Variants in NLGN1 observed in about 807,000 individuals in gnomAD.
NLGN1 encodes the protein neuroligin 1, also known as neuroligin-1.
A neutral mutation model predicts 65.5 loss-of-function variants in NLGN1; 12 were observed. The observed-to-expected ratio is 0.18, with a 90% confidence interval of 0.12 to 0.30. The LOEUF is 0.30. Ranked by LOEUF, NLGN1 falls within the 10% of genes least tolerant of loss-of-function variation. The pLI is 1.00. For missense variants in NLGN1, 750 were observed against 1,007.1 expected, an observed-to-expected ratio of 0.74 and a Z score of 3.46; for synonymous variants, 350 against 359.5, an observed-to-expected ratio of 0.97 and a Z score of 0.30.
chr3:173,748,387 G>GCT (rs985542604), intron 3 of NLGN1, among the ~76,000 whole-genome samples: 1 of 152,090 alleles, frequency 6.6e-6, no homozygotes, highest in Non-Finnish European at 1.5e-5. Flanking sequence ...GGTATGTGCA[G>GCT]AACAACTAGA....
At chr3:173,744,160 A>G (rs1475185821) in intron 3 of NLGN1, among the ~76,000 whole-genome samples, 2 of 152,234 alleles carry the variant, frequency 1.3e-5, no homozygotes, top group African/African-American at 4.8e-5. Flanking sequence ...ACCTAAAACC[A>G]TTAATTTTAT....
intron 2 of NLGN1, among the ~76,000 whole-genome samples, chr3:173,469,639 T>TAAA (rs543661410): frequency 1.4e-5 from 2 of 141,894 alleles, no homozygotes; most frequent in Non-Finnish European, 3.1e-5. Context: ...TTTTAAAAAC[T>TAAA]AAAAAAAAAA....
intron 3 of NLGN1, among the ~76,000 whole-genome samples, chr3:173,806,670 T>C (rs1716731264): frequency 6.6e-6 from 1 of 152,166 alleles, no homozygotes; most frequent in African/African-American, 2.4e-5. Flanking sequence ...TTTGCTGATA[T>C]ACACAGTTAG....
chr3:174,124,698 T>C (rs1026629266), intron 4 of NLGN1, among the ~76,000 whole-genome samples: 6 of 148,900 alleles, frequency 4.0e-5, no homozygotes, highest in African/African-American at 1.5e-4. Context: ...TATACACTTA[T>C]AGTATATACT....
At chr3:173,568,507 T>C (rs1339590039) in intron 2 of NLGN1, among the ~76,000 whole-genome samples, 2 of 152,174 alleles carry the variant, frequency 1.3e-5, no homozygotes, top group Admixed American at 1.3e-4. Context: ...ATTGTTGGGA[T>C]TACAGGCACA....
At chr3:174,245,345 T>G (rs1162263662) in intron 4 of NLGN1, among the ~76,000 whole-genome samples, 1 of 152,208 alleles carries the variant, frequency 6.6e-6, no homozygotes, top group African/African-American at 2.4e-5. Context: ...GATTTAGGCT[T>G]TCTTTCTAGA....
At position 173,642,373 on chromosome 3, in the gene NLGN1, G is replaced by A. The variant is rs146401633; in HGVS notation, c.493+37282G>A. Among the ~76,000 whole-genome samples the A allele has an allele frequency of 5.5e-3, 833 of 152,212 alleles. 5 individuals are homozygous for A. Among genetic ancestry groups the A allele is most frequent in the Non-Finnish European group, 8.4e-3 (571 of 68,004 alleles). ...AGGACTGGGGAGATGCAGTCCAGCC[G>A]ACCAAAGTGGCTGTGGGTGGCAACG... On this transcript the variant is annotated intron_variant, in intron 3 of 6. Transcript: ENST00000457714.
At chr3:173,456,180 G>A (rs481615) in intron 2 of NLGN1, among the ~76,000 whole-genome samples, 118,156 of 152,128 alleles carry the variant, frequency 0.78, 47,403 homozygotes, top group East Asian at 0.97. Flanking sequence ...TGATGGTGAC[G>A]TATAAAATTA....
chr3:174,189,991 A>C (rs906250137), intron 4 of NLGN1, among the ~76,000 whole-genome samples: 1 of 152,072 alleles, frequency 6.6e-6, no homozygotes, highest in Non-Finnish European at 1.5e-5. Flanking sequence ...AGGGAAGCCA[A>C]TTTACAGCTA....
intron 4 of NLGN1, among the ~76,000 whole-genome samples, chr3:174,010,323 T>A (rs987918617): frequency 6.6e-6 from 1 of 152,140 alleles, no homozygotes; most frequent in African/African-American, 2.4e-5. Flanking sequence ...TGCATGTAAA[T>A]TATTTTCACT....
intron 3 of NLGN1, among the ~76,000 whole-genome samples, chr3:173,652,460 G>A (rs1759348607): frequency 6.6e-6 from 1 of 151,988 alleles, no homozygotes; most frequent in Admixed American, 6.6e-5. Context: ...GTGAGAGAGG[G>A]GTCCAGTTTC....
At chr3:173,673,422 A>G (rs1332033636) in intron 3 of NLGN1, among the ~76,000 whole-genome samples, 2 of 152,218 alleles carry the variant, frequency 1.3e-5, no homozygotes, top group Non-Finnish European at 2.9e-5. Flanking sequence ...ACATTAGAGT[A>G]TACATTAAAA....
chr3:173,406,695 A>G (rs557416530), intron 1 of NLGN1, among the ~76,000 whole-genome samples: 33 of 151,932 alleles, frequency 2.2e-4, no homozygotes, highest in African/African-American at 8.0e-4. Context: ...TCCACAGACA[A>G]CAGCGTTTCT....
chr3:173,677,791 C>T (rs1763377186), intron 3 of NLGN1, among the ~76,000 whole-genome samples: 1 of 152,062 alleles, frequency 6.6e-6, no homozygotes. Context: ...ACAATCCTTC[C>T]TGAATTCTGT....
chr3:174,214,038 C>T (rs566332609), intron 4 of NLGN1, among the ~76,000 whole-genome samples: 26 of 152,126 alleles, frequency 1.7e-4, no homozygotes, highest in Non-Finnish European at 2.9e-4. Context: ...GACAATGTTA[C>T]TCAAAGAATT....
At chr3:173,799,778 G>A (rs1372650915) in intron 3 of NLGN1, among the ~76,000 whole-genome samples, 1 of 151,718 alleles carries the variant, frequency 6.6e-6, no homozygotes, top group Non-Finnish European at 1.5e-5. Flanking sequence ...TTAAAAATAT[G>A]TGAAAACCAA....
At chr3:174,092,356 G>C (rs1181001488) in intron 4 of NLGN1, among the ~76,000 whole-genome samples, 6 of 152,146 alleles carry the variant, frequency 3.9e-5, no homozygotes, top group Admixed American at 3.9e-4. Flanking sequence ...TGTAGGTATA[G>C]GCATAAGATT....
chr3:173,666,087 T>C (rs1025848724), intron 3 of NLGN1, among the ~76,000 whole-genome samples: 4 of 152,178 alleles, frequency 2.6e-5, no homozygotes, highest in Non-Finnish European at 2.9e-5. Flanking sequence ...TGTGATATAC[T>C]TGGAGAAAGC....
chr3:174,279,502 G>T lies in NLGN1; in HGVS notation c.1501G>T (p.Ala501Ser), dbSNP rs544390200. ...CCAAACAGATCAGGTTCCAGCTTGG[G>T]CTGATGCAGCCCACGGAGACGAGGT... Residue 501 changes from alanine (A) to serine (S), a missense_variant, in exon 6 of 7, where the codon GCT becomes TCT. Physicochemically the swap from Ala to Ser is moderately conservative, Grantham distance 99. Coordinates refer to ENST00000457714, the Ensembl canonical transcript of NLGN1. This position sits in a 1 kb window ranked among gnomAD's most constrained non-coding sequence, Gnocchi z 4.7. 6.2e-7 allele frequency: 1 copy of T among 1,613,106 alleles called. No individual in the cohort carries two copies. The highest frequency in any genetic ancestry group is 1.1e-5 in the South Asian group (1 of 91,064).
Sources: allele counts gnomAD v4.1 joint callset (sites outside exome capture counted in the v4.1 genomes callset), GRCh38; gene constraint gnomAD v4.1.1; non-coding constraint Gnocchi (gnomAD v3.1); transcripts MANE v1.5; gene names NCBI Gene and HGNC (gene_info 2026-07-23, HGNC 2026-07-21).